DIP2C: variants seen among roughly 807,000 people sequenced by gnomAD.
DIP2C encodes disco-interacting protein 2 homolog C.
DIP2C carries 33 observed loss-of-function variants against 192.4 expected under a neutral mutation model. The ratio of observed to expected loss-of-function variants is 0.17; its 90% CI spans 0.13 to 0.23. DIP2C has a LOEUF of 0.23. Ranked by LOEUF, DIP2C falls within the 10% of genes least tolerant of loss-of-function variation. The probability of loss-of-function intolerance (pLI) is 1.00; values close to 1 mark genes in which losing one functional copy is unlikely to be tolerated. For missense variants in DIP2C, 1,537 were observed against 2,110.1 expected (o/e 0.73, Z 5.32); for synonymous variants, 979 against 864.1 (o/e 1.13, Z -2.33).
At position 283,357 on chromosome 10, in the gene DIP2C, T is replaced by G. The variant is rs1954939705; in HGVS notation, c.4209A>C (p.Leu1403=). 6.2e-7 allele frequency: 1 copy of G among 1,614,174 alleles called. No homozygotes were observed. Among genetic ancestry groups the G allele is most frequent in the Non-Finnish European group, 8.5e-7 (1 of 1,180,034 alleles). The change falls in exon 35 of 37, where the codon CTA becomes CTC. Residue 1403 remains leucine, a synonymous_variant. Transcript: ENST00000280886. The part of the protein sequence containing the change: ...SLQSDHFNSR[L]SFGDTQTIWA... ...AGATGGTCTGGGTGTCTCCAAAACT[T>G]AGTCTTGAGTTGAAGTGATCTGACT... is the stretch of plus-strand genomic sequence containing the variant.
intron 1 of DIP2C, among the ~76,000 whole-genome samples, chr10:526,149 C>A (rs564560733): frequency 2.0e-5 from 3 of 152,302 alleles, no homozygotes; most frequent in Admixed American, 2.0e-4. Context: ...ACAGGACCGA[C>A]CGGGGCTCAC....
chr10:482,722 C>T (rs970564198), intron 2 of DIP2C, among the ~76,000 whole-genome samples: 1 of 152,198 alleles, frequency 6.6e-6, no homozygotes, highest in African/African-American at 2.4e-5. Flanking sequence ...CTCTAAATCT[C>T]CACGGCCTGT....
intron 1 of DIP2C, among the ~76,000 whole-genome samples, chr10:524,482 T>G (rs1473524894): frequency 1.3e-5 from 2 of 152,170 alleles, no homozygotes; most frequent in African/African-American, 4.8e-5. Flanking sequence ...TTCCTCTACT[T>G]TTATATACCT....
intron 1 of DIP2C, among the ~76,000 whole-genome samples, chr10:593,104 T>C (rs1851496511): frequency 6.6e-6 from 1 of 151,994 alleles, no homozygotes; most frequent in Non-Finnish European, 1.5e-5. Flanking sequence ...ATGCCTGCAA[T>C]CCCAGCACTG....
chr10:575,885 C>T (rs1196607108), intron 1 of DIP2C, among the ~76,000 whole-genome samples: 2 of 152,204 alleles, frequency 1.3e-5, no homozygotes, highest in African/African-American at 4.8e-5. Flanking sequence ...TCTGGTCTTA[C>T]CTGCGCCTCT....
chr10:387,721 C>T, intron 14 of DIP2C, 24 bp downstream of exon 14: 1 of 1,613,762 alleles, frequency 6.2e-7, no homozygotes, highest in South Asian at 1.1e-5. Flanking sequence ...TGTGGACAGA[C>T]ACGGCCGGGG....
At chr10:470,348 A>G (rs999068490) in intron 3 of DIP2C, among the ~76,000 whole-genome samples, 7 of 152,220 alleles carry the variant, frequency 4.6e-5, no homozygotes, top group African/African-American at 1.7e-4. Context: ...CTTCCCCTCC[A>G]GAGCAGAGCC....
rs1039714879 is a variant in DIP2C at position 388,647 on chromosome 10, A to G, written c.1598-838T>C. 1.3e-3 allele frequency among the ~76,000 whole-genome samples: 204 copies of G among 152,354 alleles called. 2 individuals are homozygous for G. Among genetic ancestry groups the G allele is most frequent in the Non-Finnish European group, 3.8e-4 (26 of 68,028 alleles). On this transcript the variant is annotated intron_variant, in intron 13 of 36. Coordinates refer to ENST00000280886, the MANE Select transcript of DIP2C (RefSeq NM_014974.3). ...GAGGCGCAGGGGGCAGTGCGTCCCC[A>G]GGTGTGAAAACTCCATGGCCAAACA...
chr10:353,161 A>G (rs1267130296), intron 24 of DIP2C, among the ~76,000 whole-genome samples: 1 of 73,464 alleles, frequency 1.4e-5, no homozygotes, highest in Non-Finnish European at 2.6e-5. Context: ...AGGCAGCATG[A>G]CCGGAGGGGC....
intron 1 of DIP2C, among the ~76,000 whole-genome samples, chr10:616,489 C>T (rs1251367253): frequency 6.6e-6 from 1 of 152,258 alleles, no homozygotes; most frequent in African/African-American, 2.4e-5. Context: ...CACAGCGGGA[C>T]TTCCCAGGGC....
intron 4 of DIP2C, among the ~76,000 whole-genome samples, chr10:433,742 T>TG (rs1210738012): frequency 6.6e-6 from 1 of 152,312 alleles, no homozygotes; most frequent in East Asian, 1.9e-4. Context: ...CCTTTACTCT[T>TG]GATCTATATA....
At position 276,910 on chromosome 10, in the gene DIP2C, G is replaced by A. The variant is rs1048381333; in HGVS notation, c.*415C>T. ...AGATTTCATGACACATTAAAACAGAGAAAACAATTCTTTGTCACACTACAT... is the reference window on the plus strand; with the variant it reads ...AGATTTCATGACACATTAAAACAGAAAAAACAATTCTTTGTCACACTACAT... On this transcript the variant is annotated 3_prime_UTR_variant, in exon 37 of 37. Coordinates refer to ENST00000280886, the MANE Select transcript of DIP2C (RefSeq NM_014974.3). The A allele has an allele frequency of 2.3e-5, 4 of 170,500 alleles. No homozygotes were observed. The East Asian group carries it at 4.9e-4, about 21-fold the overall frequency. 10.6% of individuals were successfully genotyped at this position (170,500 alleles called of 1,614,324 possible).
intron 1 of DIP2C, among the ~76,000 whole-genome samples, chr10:499,075 T>C (rs1275211380): frequency 6.6e-6 from 1 of 152,228 alleles, no homozygotes. Context: ...TATTATTTTG[T>C]TATCCTTTTT....
intron 1 of DIP2C, among the ~76,000 whole-genome samples, chr10:579,761 A>G (rs1043623129): frequency 2.0e-5 from 3 of 152,126 alleles, no homozygotes; most frequent in Admixed American, 6.5e-5. Flanking sequence ...ATGTATGTAC[A>G]TGCAGAGCAT....
chr10:355,958 G>T (rs1431721494), intron 24 of DIP2C, among the ~76,000 whole-genome samples: 1 of 152,148 alleles, frequency 6.6e-6, no homozygotes, highest in Admixed American at 6.5e-5. Flanking sequence ...GTGGGCACTT[G>T]TAGTCCCAGC....
chr10:493,363 C>G (rs1339772738), intron 1 of DIP2C, among the ~76,000 whole-genome samples: 1 of 152,208 alleles, frequency 6.6e-6, no homozygotes, highest in Non-Finnish European at 1.5e-5. Context: ...TTCCCTTTCC[C>G]ATGACATTGA....
intron 1 of DIP2C, among the ~76,000 whole-genome samples, chr10:625,213 A>G (rs1000039427): frequency 6.6e-6 from 1 of 152,148 alleles, no homozygotes; most frequent in African/African-American, 2.4e-5. Flanking sequence ...CAAGCCCTTC[A>G]TTATCACGGC....
At chr10:394,192 A>G (rs939392843) in intron 10 of DIP2C, among the ~76,000 whole-genome samples, 1 of 152,268 alleles carries the variant, frequency 6.6e-6, no homozygotes, top group Non-Finnish European at 1.5e-5. Context: ...ATGGATGCAG[A>G]GCAGGCAGAG....
At chr10:531,851 T>A (rs921562014) in intron 1 of DIP2C, among the ~76,000 whole-genome samples, 1 of 152,214 alleles carries the variant, frequency 6.6e-6, no homozygotes, top group South Asian at 2.1e-4. Context: ...CAGGCAACGC[T>A]TGCAACTCCA....
Sources: gnomAD v4.1 joint callset for allele counts (sites outside exome capture counted in the v4.1 genomes callset) on GRCh38, gnomAD v4.1.1 for gene constraint, MANE v1.5 for transcripts, NCBI Gene and HGNC (gene_info 2026-07-23, HGNC 2026-07-21) for gene names.